Variants in DNAJC15 observed in about 807,000 individuals in gnomAD.
DNAJC15 encodes the protein dnaJ homolog subfamily C member 15.
Under a neutral mutation model 22.4 loss-of-function variants are expected in DNAJC15, and 27 were observed. The observed-to-expected ratio is 1.20, with a 90% CI of 0.89 to 1.66. The LOEUF (loss-of-function observed/expected upper bound fraction) is 1.66, where lower values mean the gene tolerates loss of function less well. Among genes scored for constraint, DNAJC15 ranks in the 40% most tolerant of loss-of-function variants. The pLI is 0.00. For missense variants in DNAJC15, 208 were observed against 187.1 expected (o/e 1.11, Z -0.65); for synonymous variants, 79 against 63.2 (o/e 1.25, Z -1.19).
At position 43,029,792 on chromosome 13, in the gene DNAJC15, A is replaced by G. The variant is rs142936156; in HGVS notation, c.108+6058A>G. ...TTTGAAATATGCCTTTTTAACTAAAATTAGATATTCTTTATAGATGGGGAT... is the reference window on the plus strand; with the variant it reads ...TTTGAAATATGCCTTTTTAACTAAAGTTAGATATTCTTTATAGATGGGGAT... On this transcript the variant is annotated intron_variant, in intron 1 of 5. Transcript: ENST00000379221. Among the ~76,000 whole-genome samples the G allele has an allele frequency of 1.3e-3, 200 of 152,292 alleles. 1 individual carries two copies. The highest frequency in any genetic ancestry group is 1.9e-3 in the Non-Finnish European group (128 of 68,002).
rs1349976582 is a variant in DNAJC15, at chr13:43,104,432, T to C, written c.383-2746T>C. Reference sequence around the variant, plus strand: ...CCTGACTGACTTGGTAGCCCTCCAGTGCTTTTATACTGATGTGTTTATATT... The same window carrying C: ...CCTGACTGACTTGGTAGCCCTCCAGCGCTTTTATACTGATGTGTTTATATT... On this transcript the variant is annotated intron_variant, in intron 5 of 5. Transcript: ENST00000379221. Among the ~76,000 whole-genome samples the C allele has an allele frequency of 2.0e-5, 3 of 152,172 alleles. No homozygotes were observed. The East Asian group carries it at 5.8e-4, about 29-fold the overall frequency.
chr13:43,042,295 C>T (rs2040457979), intron 1 of DNAJC15, among the ~76,000 whole-genome samples: 1 of 152,040 alleles, frequency 6.6e-6, no homozygotes, highest in African/African-American at 2.4e-5. Flanking sequence ...TGTAATAAAA[C>T]TTATGTGAGT....
At chr13:43,045,894 G>T (rs756493545) in intron 1 of DNAJC15, among the ~76,000 whole-genome samples, 2 of 151,562 alleles carry the variant, frequency 1.3e-5, no homozygotes, top group East Asian at 1.9e-4. Flanking sequence ...ATTGTTTGTT[G>T]TCTGTCTCTC....
chr13:43,054,063 C>T lies in DNAJC15; in HGVS notation c.109-11623C>T, dbSNP rs138412433. Among the ~76,000 whole-genome samples the T allele has an allele frequency of 1.8e-3, 279 of 152,224 alleles. 2 individuals carry two copies. Among genetic ancestry groups the T allele is most frequent in the African/African-American group, 6.5e-3 (268 of 41,538 alleles). ...TTGGCTGTGGGTTTGTCTTTTATTA[C>T]CCTAAGGTATGTTCCTTCTATCCTG... is the stretch of plus-strand genomic sequence containing the variant. On this transcript the variant is annotated intron_variant, in intron 1 of 5. Coordinates refer to ENST00000379221, the MANE Select transcript of DNAJC15 (RefSeq NM_013238.3).
At chr13:43,025,816 A>G (rs2040378126) in intron 1 of DNAJC15, among the ~76,000 whole-genome samples, 1 of 152,236 alleles carries the variant, frequency 6.6e-6, no homozygotes, top group Admixed American at 6.5e-5. Context: ...AGGCAGAAGA[A>G]TTGCTTGAAC....
At chr13:43,067,853 A>G (rs948711470) in intron 2 of DNAJC15, among the ~76,000 whole-genome samples, 1 of 152,188 alleles carries the variant, frequency 6.6e-6, no homozygotes, top group African/African-American at 2.4e-5. Context: ...ATAAAATCAA[A>G]TGGAAGATGA....
At chr13:43,068,240 T>G (rs17064114) in intron 2 of DNAJC15, among the ~76,000 whole-genome samples, 2,278 of 152,224 alleles carry the variant, frequency 0.015, 60 homozygotes, top group East Asian at 0.055. Flanking sequence ...AATATTTTAC[T>G]CTTATTTGAT....
At chr13:43,045,888 T>TCTC (rs1231365695) in intron 1 of DNAJC15, among the ~76,000 whole-genome samples, 1 of 152,188 alleles carries the variant, frequency 6.6e-6, no homozygotes, top group East Asian at 1.9e-4. Flanking sequence ...GTTAAAATTG[T>TCTC]TTGTTGTCTG....
intron 1 of DNAJC15, among the ~76,000 whole-genome samples, chr13:43,028,597 A>C (rs1178899397): frequency 1.3e-5 from 2 of 152,188 alleles, no homozygotes; most frequent in East Asian, 3.9e-4. Flanking sequence ...CTTACACAGG[A>C]CTCTTCATGT....
intron 1 of DNAJC15, among the ~76,000 whole-genome samples, chr13:43,054,358 G>T (rs970174683): frequency 2.0e-5 from 3 of 152,042 alleles, no homozygotes; most frequent in Admixed American, 2.0e-4. Context: ...TGGTCTATAG[G>T]TGTTCATTTT....
At chr13:43,053,252 A>C (rs370972991) in intron 1 of DNAJC15, among the ~76,000 whole-genome samples, 1 of 152,242 alleles carries the variant, frequency 6.6e-6, no homozygotes, top group South Asian at 2.1e-4. Flanking sequence ...ATTCTGTTCT[A>C]TTGGCCTATA....
chr13:43,023,727 A>G lies in DNAJC15; in HGVS notation c.101A>G (p.Gln34Arg). The G allele has an allele frequency of 6.2e-7, 1 of 1,609,268 alleles. No individual in the cohort carries two copies. Among genetic ancestry groups the G allele is most frequent in the Non-Finnish European group, 8.5e-7 (1 of 1,178,176 alleles). Residue 34 changes from glutamine to arginine, a missense_variant, in exon 1 of 6, where the codon CAG becomes CGG. By Grantham distance (43) the Gln-to-Arg change is conservative. Coordinates refer to ENST00000379221, the MANE Select transcript of DNAJC15 (RefSeq NM_013238.3). ...AKRPDADVDQ[Q>R]RLVRSLIAVG... is the part of the protein sequence containing the mutation. ...CGGCCAGACGCCGACGTCGACCAGC[A>G]GAGACTGGTGAGTCCTGCCAGCGGC...
Position 43,038,335 on chromosome 13 carries a change from T to C in DNAJC15, c.108+14601T>C, listed in dbSNP as rs79444212. On this transcript the variant is annotated intron_variant, in intron 1 of 5. Transcript: ENST00000379221. ...GACAATTTGTAAGACTTTGATTTGT[T>C]GGCCAAAATGTATACCTCTCATGAT... is the stretch of plus-strand genomic sequence containing the variant. Among the ~76,000 whole-genome samples the C allele has an allele frequency of 3.9e-3, 587 of 152,352 alleles. 3 individuals are homozygous for C. Among genetic ancestry groups the C allele is most frequent in the African/African-American group, 0.013 (524 of 41,578 alleles).
chr13:43,028,888 T>C (rs1357758913), intron 1 of DNAJC15, among the ~76,000 whole-genome samples: 2 of 152,218 alleles, frequency 1.3e-5, no homozygotes, highest in Non-Finnish European at 2.9e-5. Flanking sequence ...GTTTTTATTA[T>C]AGTTTATTAA....
intron 5 of DNAJC15, among the ~76,000 whole-genome samples, chr13:43,095,722 A>G (rs1471275072): frequency 6.6e-6 from 1 of 152,180 alleles, no homozygotes; most frequent in Non-Finnish European, 1.5e-5. Context: ...TAAGAAAGGA[A>G]TATATTTAAG....
At chr13:43,041,596 G>A (rs1291394683) in intron 1 of DNAJC15, among the ~76,000 whole-genome samples, 3 of 152,206 alleles carry the variant, frequency 2.0e-5, no homozygotes, top group African/African-American at 7.2e-5. Flanking sequence ...GGTGAGGGCA[G>A]AATCTCAGTC....
At chr13:43,047,627 C>T (rs1040627252) in intron 1 of DNAJC15, among the ~76,000 whole-genome samples, 1 of 152,032 alleles carries the variant, frequency 6.6e-6, no homozygotes, top group Non-Finnish European at 1.5e-5. Context: ...AGGAAATGGG[C>T]CCAAAGAGAA....
At chr13:43,025,543 A>AT (rs2040376743) in intron 1 of DNAJC15, among the ~76,000 whole-genome samples, 2 of 152,224 alleles carry the variant, frequency 1.3e-5, no homozygotes, top group African/African-American at 4.8e-5. Context: ...CTACCTGTAA[A>AT]CATAACTTTT....
intron 1 of DNAJC15, among the ~76,000 whole-genome samples, chr13:43,024,226 T>C (rs1337691012): frequency 6.6e-6 from 1 of 151,756 alleles, no homozygotes; most frequent in African/African-American, 2.4e-5. Flanking sequence ...CAGGGCCCAG[T>C]TGGAAACTCC....
Sources: gnomAD v4.1 joint callset for allele counts (sites outside exome capture counted in the v4.1 genomes callset) on GRCh38, gnomAD v4.1.1 for gene constraint, MANE v1.5 for transcripts, NCBI Gene and HGNC (gene_info 2026-07-23, HGNC 2026-07-21) for gene names.